UACA: variants seen among roughly 807,000 people sequenced by gnomAD.
UACA encodes uveal autoantigen with coiled-coil domains and ankyrin repeats.
A neutral mutation model predicts 160.5 loss-of-function variants in UACA; 112 were observed. The observed-to-expected ratio is 0.70, with a 90% confidence interval of 0.60 to 0.82. The LOEUF (loss-of-function observed/expected upper bound fraction) is 0.82, where lower values mean the gene tolerates loss of function less well. Among genes scored for constraint, UACA ranks in the 40% least tolerant of loss-of-function variants. The pLI, the probability that UACA is intolerant of heterozygous loss-of-function variation, is 0.00. For missense variants in UACA, 1,574 were observed against 1,614.6 expected (o/e 0.97, Z 0.43); for synonymous variants, 557 against 568.4 (o/e 0.98, Z 0.29).
chr15:70,691,500 A>G lies in UACA; in HGVS notation c.302-137T>C, dbSNP rs1227380008. The G allele has an allele frequency of 1.0e-5, 6 of 598,484 alleles. No individual in the cohort carries two copies. In the South Asian group the frequency reaches 1.6e-4, roughly 16 times the overall value. 37.1% of individuals were successfully genotyped at this position (598,484 alleles called of 1,614,324 possible). A position where few individuals can be genotyped will look rare whatever the true frequency, so the allele number is the denominator to read the frequency against. ...CTGTAAGTATACTTTCAGTTTCCAA[A>G]GATGTTTCATCTAGCTTGATATTTT... On this transcript the variant is annotated intron_variant, in intron 3 of 18. Coordinates refer to ENST00000322954, the MANE Select transcript of UACA (RefSeq NM_018003.4).
chr15:70,776,571 G>A, the UACA span, among the ~76,000 whole-genome samples: 1 of 152,116 alleles, frequency 6.6e-6, no homozygotes, highest in South Asian at 2.1e-4. Flanking sequence ...GGGATTACAG[G>A]CAAATGCCAC....
chr15:70,719,775 C>T (rs183335077), intron 1 of UACA, among the ~76,000 whole-genome samples: 39 of 152,214 alleles, frequency 2.6e-4, no homozygotes, highest in African/African-American at 9.1e-4. Flanking sequence ...TTACAGAGTA[C>T]CCACCCAAGA....
At position 70,679,672 on chromosome 15, in the gene UACA, T is replaced by C; in HGVS notation, c.827A>G (p.Asn276Ser). Residue 276 changes from asparagine to serine, a missense_variant, in exon 10 of 19, where the codon AAT becomes AGT. By Grantham distance (46) the Asn-to-Ser change is conservative. Coordinates refer to ENST00000322954, the MANE Select transcript of UACA (RefSeq NM_018003.4). ...WKKGPSLQQR[N>S]LTHMQDEVNV... ...TACTTCATCTTGCATGTGTGTCAAA[T>C]TTCGCTTTGGTAAAACATAAGAAAA... is the stretch of plus-strand genomic sequence containing the variant. The C allele has an allele frequency of 6.3e-7, 1 of 1,587,758 alleles. No homozygotes were observed. The highest frequency in any genetic ancestry group is 8.6e-7 in the Non-Finnish European group (1 of 1,167,222).
intron 1 of UACA, among the ~76,000 whole-genome samples, chr15:70,748,163 G>A (rs752018679): frequency 6.6e-6 from 1 of 152,048 alleles, no homozygotes; most frequent in Non-Finnish European, 1.5e-5. Context: ...AGAAGAAAAT[G>A]GGGGCAATTT....
Position 70,685,722 on chromosome 15 carries a change from AAAATAT to A in UACA, c.603-1282_603-1277del, listed in dbSNP as rs1897688995. Among the ~76,000 whole-genome samples, 3 of 152,188 alleles carry A rather than the reference AAAATAT, an allele frequency of 2.0e-5. No individual in the cohort carries two copies. In the South Asian group the frequency reaches 6.2e-4, roughly 31 times the overall value. On this transcript the variant is annotated intron_variant, in intron 7 of 18. Coordinates refer to ENST00000322954, the MANE Select transcript of UACA (RefSeq NM_018003.4). The stretch of plus-strand genomic sequence containing the variant: ...GCTTTGAAAAATGTGAGAGCTATAA[AAAATAT>A]AAAGCACTGTATGTAGATCAACCAG...
upstream of UACA, among the ~76,000 whole-genome samples, chr15:70,767,545 G>A (rs1018374273): frequency 7.3e-5 from 11 of 150,750 alleles, no homozygotes; most frequent in African/African-American, 2.7e-4. Flanking sequence ...CCAGAATAAC[G>A]CCACTGCACT....
chr15:70,703,916 CAG>C (rs1290518409), intron 1 of UACA, among the ~76,000 whole-genome samples: 8 of 152,148 alleles, frequency 5.3e-5, no homozygotes, highest in African/African-American at 1.9e-4. Flanking sequence ...GTCACTTCCT[CAG>C]AGAGGGCTTC....
intron 1 of UACA, among the ~76,000 whole-genome samples, chr15:70,756,455 C>T (rs2141016400): frequency 6.6e-6 from 1 of 152,080 alleles, no homozygotes; most frequent in South Asian, 2.1e-4. Flanking sequence ...GCCACTGTAC[C>T]CAGCCCCAAA....
At chr15:70,718,323 A>C (rs1419015244) in intron 1 of UACA, among the ~76,000 whole-genome samples, 1 of 15,608 alleles carries the variant, frequency 6.4e-5, no homozygotes, top group Non-Finnish European at 1.7e-4. Flanking sequence ...AGAGAGAGAG[A>C]ATGTGTGTGT....
intron 1 of UACA, 57 bp from the exon 2 acceptor site, chr15:70,699,717 TAAAG>T (rs1898271293): frequency 6.3e-7 from 1 of 1,575,038 alleles, no homozygotes; most frequent in Non-Finnish European, 8.6e-7. Context: ...AAGATTTTTC[TAAAG>T]AAAGAAAAAA....
In UACA at chr15:70,671,960, C is replaced by T; in HGVS notation, c.1168+5G>A. On this transcript the variant is annotated splice_donor_5th_base_variant and intron_variant, in intron 14 of 18. Coordinates refer to ENST00000322954, the MANE Select transcript of UACA (RefSeq NM_018003.4). ...TGTAATGATAATCCATACTTTTATACTTACGGTTACTGAAATGACTTCCTG... is the reference window on the plus strand; with the variant it reads ...TGTAATGATAATCCATACTTTTATATTTACGGTTACTGAAATGACTTCCTG... The T allele has an allele frequency of 6.3e-7, 1 of 1,595,768 alleles. No homozygotes were observed. Among genetic ancestry groups the T allele is most frequent in the Non-Finnish European group, 8.5e-7 (1 of 1,171,010 alleles).
At chr15:70,753,593 A>C (rs2030223917) in intron 1 of UACA, among the ~76,000 whole-genome samples, 1 of 152,180 alleles carries the variant, frequency 6.6e-6, no homozygotes, top group South Asian at 2.1e-4. Flanking sequence ...TTGCATCTGA[A>C]ATGATGGCAA....
intron 15 of UACA, among the ~76,000 whole-genome samples, chr15:70,669,869 A>C (rs1444900458): frequency 1.3e-5 from 2 of 152,196 alleles, no homozygotes; most frequent in African/African-American, 2.4e-5. Context: ...TCTGAAGAAA[A>C]CCATCATATC....
intron 1 of UACA, among the ~76,000 whole-genome samples, chr15:70,711,648 T>C (rs1296759618): frequency 5.3e-5 from 8 of 151,830 alleles, no homozygotes. Context: ...GGAAAGAAAA[T>C]AGACATGATA....
At position 70,667,435 on chromosome 15, in the gene UACA, C is replaced by A. The variant is rs1896957661; in HGVS notation, c.3249G>T (p.Lys1083Asn). Residue 1083 changes from lysine (K) to asparagine (N), a missense_variant, in exon 16 of 19, where the codon AAG (lysine) becomes AAT (asparagine). Lys to Asn is a moderately conservative substitution (Grantham distance 94, BLOSUM62 0). Transcript: ENST00000322954. Reference protein sequence around the residue: ...KDLSQKYTEVKNVKEKLVEEN... With the variant: ...KDLSQKYTEVNNVKEKLVEEN... ...CTTCTACTAGCTTCTCTTTCACATT[C>A]TTTACTTCCGTGTATTTCTGTGACA... 1.9e-6 allele frequency: 3 copies of A among 1,610,378 alleles called. No individual in the cohort carries two copies. The highest frequency in any genetic ancestry group is 2.5e-6 in the Non-Finnish European group (3 of 1,179,690).
the UACA span, among the ~76,000 whole-genome samples, chr15:70,777,191 A>G: frequency 6.6e-6 from 1 of 152,216 alleles, no homozygotes; most frequent in Non-Finnish European, 1.5e-5. Flanking sequence ...CTGGAAGGAC[A>G]GAGTTGTCAT....
the UACA span, among the ~76,000 whole-genome samples, chr15:70,774,545 C>CAAAAAAAAAAAAAAA: frequency 1.2e-4 from 10 of 82,450 alleles, 1 homozygote; most frequent in African/African-American, 4.6e-4. Flanking sequence ...GACTCTGTCT[C>CAAAAAAAAAAAAAAA]AAAAAAAAAA....
In UACA at chr15:70,763,339, G is replaced by A. The variant is rs773521027; in HGVS notation, c.69C>T (p.Ala23=). ...VPGPASSGAA[A]ASAHAADWNK... ...GGACCGCGGGACTCACCGCGCTGGCGGCGGCGGCGCCAGACGACGCGGGGC... is the reference window on the plus strand; with the variant it reads ...GGACCGCGGGACTCACCGCGCTGGCAGCGGCGGCGCCAGACGACGCGGGGC... Residue 23 remains alanine (A), a synonymous_variant, in exon 1 of 19, where the codon GCC becomes GCT. Transcript: ENST00000322954. The A allele has an allele frequency of 5.3e-5, 71 of 1,333,600 alleles. No individual in the cohort carries two copies. The highest frequency in any genetic ancestry group is 4.6e-4 in the African/African-American group (30 of 64,830). The allele number at this position is 1,333,600 out of a possible 1,614,324, so 82.6% of individuals were successfully genotyped here. A position where few individuals can be genotyped will look rare whatever the true frequency, so the allele number is the denominator to read the frequency against.
At chr15:70,693,080 A>C (rs1897996881) in intron 3 of UACA, among the ~76,000 whole-genome samples, 1 of 152,322 alleles carries the variant, frequency 6.6e-6, no homozygotes, top group African/African-American at 2.4e-5. Context: ...GAAACATTTC[A>C]CATTGTGAAA....
Sources: gnomAD v4.1 joint callset for allele counts (sites outside exome capture counted in the v4.1 genomes callset) on GRCh38, gnomAD v4.1.1 for gene constraint, MANE v1.5 for transcripts, NCBI Gene and HGNC (gene_info 2026-07-23, HGNC 2026-07-21) for gene names.